The following RAB12 variants were observed in gnomAD, a reference collection of about 807,000 sequenced individuals.
The protein encoded by RAB12 is ras-related protein Rab-12.
Under a neutral mutation model 28.4 loss-of-function variants are expected in RAB12, and 11 were observed. The observed-to-expected ratio is 0.39, with a 90% confidence interval of 0.24 to 0.64. The LOEUF (loss-of-function observed/expected upper bound fraction) is 0.64. RAB12 is among the 30% of genes least tolerant of loss of function. The probability of loss-of-function intolerance (pLI) is 0.50; values close to 1 mark genes in which losing one functional copy is unlikely to be tolerated. For synonymous variants in RAB12, 138 were observed against 145.3 expected (o/e 0.95, Z 0.36); for missense variants, 276 against 351.1 (o/e 0.79, Z 1.71).
In RAB12 at chr18:8,638,281, A is replaced by G. The variant is rs981781065; in HGVS notation, c.*19A>G. The G allele has an allele frequency of 1.3e-6, 2 of 1,554,262 alleles. No homozygotes were observed. The highest frequency in any genetic ancestry group is 8.9e-7 in the Non-Finnish European group (1 of 1,126,496). ...CTGTTGATTTCCTACTTTGGAGACA[A>G]AGTGGAAATGATTCCTGGAAAGGGG... On this transcript the variant is annotated 3_prime_UTR_variant, in exon 6 of 6. Coordinates refer to ENST00000649141, the MANE Select transcript of RAB12 (RefSeq NM_001025300.3).
chr18:8,611,984 CTG>C (rs895941762), intron 1 of RAB12, among the ~76,000 whole-genome samples: 1 of 152,230 alleles, frequency 6.6e-6, no homozygotes, highest in African/African-American at 2.4e-5. Context: ...CGGGAAGACA[CTG>C]TGAGAACGCC....
At chr18:8,635,869 A>G in intron 4 of RAB12, 1 of 460,664 alleles carries the variant, frequency 2.2e-6, no homozygotes, top group Non-Finnish European at 3.8e-6. Flanking sequence ...TTTTATACAG[A>G]GAAACATATT....
intron 1 of RAB12, among the ~76,000 whole-genome samples, chr18:8,617,074 G>T (rs916684083): frequency 3.3e-5 from 5 of 152,206 alleles, no homozygotes; most frequent in Non-Finnish European, 7.3e-5. Context: ...CCTTAGGCAA[G>T]CAGCTTACCT....
chr18:8,637,295 G>A (rs945391635), intron 5 of RAB12, among the ~76,000 whole-genome samples: 11 of 144,546 alleles, frequency 7.6e-5, no homozygotes, highest in Non-Finnish European at 1.5e-4. Context: ...AAAAAAAAAA[G>A]TTTATATAAT....
intron 1 of RAB12, among the ~76,000 whole-genome samples, chr18:8,624,566 A>G (rs1004989390): frequency 1.3e-5 from 2 of 152,230 alleles, no homozygotes; most frequent in Non-Finnish European, 2.9e-5. Context: ...TGTTCCATAT[A>G]AGAATTTTCC....
chr18:8,621,935 C>T (rs1474208367), intron 1 of RAB12, among the ~76,000 whole-genome samples: 2 of 152,188 alleles, frequency 1.3e-5, no homozygotes, highest in African/African-American at 4.8e-5. Flanking sequence ...AATGTTACCA[C>T]TTATTTCCTG....
At position 8,609,629 on chromosome 18, in the gene RAB12, C is replaced by CCG. The variant is rs1191353483; in HGVS notation, c.197_198dup (p.Ala67ArgfsTer89). ...GGAAGCCGAGCCCGGGGCCGACCCC[C>CCG]CGCGCGCGGCGGAGGCCGAGGGGGC... On this transcript the variant is annotated frameshift_variant, in exon 1 of 6. Coordinates refer to ENST00000649141, the MANE Select transcript of RAB12 (RefSeq NM_001025300.3). LOFTEE classifies it high-confidence loss of function. The CCG allele has an allele frequency of 3.7e-6, 2 of 533,608 alleles. No homozygotes were observed. Among genetic ancestry groups the CCG allele is most frequent in the Non-Finnish European group, 4.8e-6 (2 of 419,896 alleles). The allele number at this position is 533,608 out of a possible 1,614,324, so 33.1% of individuals were successfully genotyped here.
intron 2 of RAB12, 115 bp downstream of exon 2, chr18:8,625,113 G>T (rs1045461284): frequency 4.6e-6 from 3 of 650,410 alleles, no homozygotes; most frequent in Non-Finnish European, 7.9e-6. Flanking sequence ...CTCCTCTTTT[G>T]CTCATTTTAA....
At chr18:8,636,199 C>A in intron 4 of RAB12, 54 bp from the exon 5 acceptor site, 1 of 1,205,616 alleles carries the variant, frequency 8.3e-7, no homozygotes, top group Non-Finnish European at 1.2e-6. Flanking sequence ...CTCATGCTCG[C>A]ACGCTGGTCT....
rs2096006108 is a variant in RAB12, at chr18:8,615,225, G to A, written c.514+5272G>A. Among the ~76,000 whole-genome samples the A allele has an allele frequency of 2.6e-5, 4 of 152,150 alleles. No homozygotes were observed. In the South Asian group the frequency reaches 8.3e-4, roughly 32 times the overall value. On this transcript the variant is annotated intron_variant, in intron 1 of 5. Transcript: ENST00000649141. The stretch of plus-strand genomic sequence containing the variant: ...AATCCCTTGCAGAAATGCTCTCTGG[G>A]GGTCTGCCCTTGAATGTTAGGCGGC...
rs889734925 is a variant in RAB12 at position 8,612,222 on chromosome 18, C to T, written c.514+2269C>T. On this transcript the variant is annotated intron_variant, in intron 1 of 5. Transcript: ENST00000649141. Reference sequence around the variant, plus strand: ...TGGGTATTTGGGAGCACAGTGAAAGCGCCTCCAGTCGAGGCTAGTGATGAG... The same window carrying T: ...TGGGTATTTGGGAGCACAGTGAAAGTGCCTCCAGTCGAGGCTAGTGATGAG... Among the ~76,000 whole-genome samples, 3 of 152,330 alleles carry T rather than the reference C, an allele frequency of 2.0e-5. No homozygotes were observed. In the East Asian group the frequency reaches 5.8e-4, roughly 29 times the overall value.
At position 8,638,569 on chromosome 18, in the gene RAB12, A is replaced by G. The variant is rs753666269; in HGVS notation, c.*307A>G. On this transcript the variant is annotated 3_prime_UTR_variant, in exon 6 of 6. Coordinates refer to ENST00000649141, the MANE Select transcript of RAB12 (RefSeq NM_001025300.3). The stretch of plus-strand genomic sequence containing the variant: ...TATAATGTTTCTTGAAATAAATAAT[A>G]TAATTGTCCTTATTAATTATATTAT... 3 of 213,556 alleles carry G rather than the reference A, an allele frequency of 1.4e-5. No individual in the cohort carries two copies. Among genetic ancestry groups the G allele is most frequent in the Admixed American group, 5.5e-5 (1 of 18,258 alleles). The allele number at this position is 213,556 out of a possible 1,614,324, so 13.2% of individuals were successfully genotyped here.
intron 2 of RAB12, among the ~76,000 whole-genome samples, chr18:8,625,541 C>T (rs1019359032): frequency 6.6e-6 from 1 of 152,106 alleles, no homozygotes; most frequent in Admixed American, 6.5e-5. Context: ...TGAATCCAGG[C>T]CCCTTTCTCA....
chr18:8,614,519 GA>G (rs143888490), intron 1 of RAB12, among the ~76,000 whole-genome samples: 9,997 of 136,950 alleles, frequency 0.073, 424 homozygotes, highest in African/African-American at 0.1. Context: ...AAAAAAAAAA[GA>G]AAAAAAAAAG....
intron 1 of RAB12, among the ~76,000 whole-genome samples, chr18:8,618,325 A>G (rs1053725662): frequency 6.6e-6 from 1 of 152,160 alleles, no homozygotes; most frequent in Non-Finnish European, 1.5e-5. Context: ...TTTTTTAATG[A>G]CGCATAGTAA....
intron 1 of RAB12, among the ~76,000 whole-genome samples, chr18:8,621,644 G>A (rs2096009936): frequency 6.6e-6 from 1 of 151,994 alleles, no homozygotes; most frequent in Admixed American, 6.6e-5. Flanking sequence ...TAGGGTCAGG[G>A]GGTACATGTG....
intron 1 of RAB12, among the ~76,000 whole-genome samples, chr18:8,612,715 G>T (rs1042346449): frequency 4.6e-5 from 7 of 152,122 alleles, no homozygotes; most frequent in African/African-American, 1.7e-4. Flanking sequence ...CTGTCACCCA[G>T]GCTGGAGTGC....
intron 1 of RAB12, among the ~76,000 whole-genome samples, chr18:8,614,975 G>A (rs527762113): frequency 1.3e-5 from 2 of 152,298 alleles, no homozygotes; most frequent in East Asian, 1.9e-4. Flanking sequence ...GCAGCCCTTC[G>A]GTGAAGCCCT....
intron 1 of RAB12, among the ~76,000 whole-genome samples, chr18:8,623,884 G>T (rs1348058767): frequency 2.0e-5 from 3 of 152,258 alleles, no homozygotes; most frequent in Admixed American, 1.3e-4. Context: ...CTGTAAACAT[G>T]CCTTTTGTGT....
Sources: allele counts gnomAD v4.1 joint callset (sites outside exome capture counted in the v4.1 genomes callset), GRCh38; gene constraint gnomAD v4.1.1; transcripts MANE v1.5; gene names NCBI Gene and HGNC (gene_info 2026-07-23, HGNC 2026-07-21).